The following ALG1 variants were observed in gnomAD, a reference collection of about 807,000 sequenced individuals.
ALG1 encodes the protein chitobiosyldiphosphodolichol beta-mannosyltransferase.
In ALG1, 58 loss-of-function variants were observed where a neutral mutation model predicts 55.1. That is an observed-to-expected ratio of 1.05 (90% CI 0.85 to 1.31). The LOEUF (loss-of-function observed/expected upper bound fraction) is 1.31. Among genes scored for constraint, ALG1 ranks in the 50% most tolerant of loss-of-function variants. The probability of loss-of-function intolerance (pLI) is 0.00; values close to 1 mark genes in which losing one functional copy is unlikely to be tolerated. For synonymous variants in ALG1, 309 were observed against 247.0 expected (o/e 1.25, Z -2.35); for missense variants, 761 against 598.6 (o/e 1.27, Z -2.83).
Position 5,073,004 on chromosome 16 carries a change from T to G in ALG1, c.262T>G (p.Leu88Val), listed in dbSNP as rs794727301. ...GAACAACAGAATTCAGATTGTGGGG[T>G]TGACAGAACTTCAGAGTCTTGCAGG... Reference protein sequence around the residue: ...LQNNRIQIVGLTELQSLAVGP... With the variant: ...LQNNRIQIVGVTELQSLAVGP... The change falls in exon 2 of 13, where the codon TTG becomes GTG. Residue 88 changes from leucine to valine, a missense_variant. By Grantham distance (32) the Leu-to-Val change is conservative (BLOSUM62 1). Coordinates refer to ENST00000262374, the MANE Select transcript of ALG1 (RefSeq NM_019109.5). The G allele has an allele frequency of 5.6e-6, 9 of 1,614,048 alleles. No homozygotes were observed. The highest frequency in any genetic ancestry group is 7.6e-6 in the Non-Finnish European group (9 of 1,180,030).
intron 4 of ALG1, among the ~76,000 whole-genome samples, chr16:5,076,105 G>C (rs1956908138): frequency 6.6e-6 from 1 of 152,216 alleles, no homozygotes; most frequent in Admixed American, 6.5e-5. Flanking sequence ...AGGGAAGAAG[G>C]GCCAGTGGTA....
intron 3 of ALG1, among the ~76,000 whole-genome samples, chr16:5,074,369 T>C (rs1373558526): frequency 6.6e-6 from 1 of 151,662 alleles, no homozygotes; most frequent in Non-Finnish European, 1.5e-5. Context: ...AGGATGGTCT[T>C]GAACTCCTGA....
In ALG1 at chr16:5,077,492, C is replaced by G; in HGVS notation, c.587C>G (p.Thr196Ser). ...CTGTCCCACCTGAACCTGTGTGTTA[C>G]CAATGCTATGCGAGAAGACCTGGCG... is the stretch of plus-strand genomic sequence containing the variant. ...GRLSHLNLCVTNAMREDLADN... is the reference protein window; with the variant it reads ...GRLSHLNLCVSNAMREDLADN... The change falls in exon 5 of 13, where the codon ACC becomes AGC. Residue 196 changes from threonine (T) to serine (S), a missense_variant. By Grantham distance (58) the Thr-to-Ser change is moderately conservative (BLOSUM62 1). Coordinates refer to ENST00000262374, the MANE Select transcript of ALG1 (RefSeq NM_019109.5). The G allele has an allele frequency of 6.2e-7, 1 of 1,614,192 alleles. No individual in the cohort carries two copies. Among genetic ancestry groups the G allele is most frequent in the South Asian group, 1.1e-5 (1 of 91,082 alleles).
chr16:5,075,212 T>C (rs1380943004), intron 3 of ALG1, among the ~76,000 whole-genome samples, 176 bp from the exon 4 acceptor site: 2 of 152,218 alleles, frequency 1.3e-5, no homozygotes, highest in Admixed American at 1.3e-4. Context: ...CCCATTCTGT[T>C]TCTTTTATGA....
intron 3 of ALG1, among the ~76,000 whole-genome samples, chr16:5,075,070 A>C (rs896179182): frequency 1.3e-5 from 2 of 152,010 alleles, no homozygotes; most frequent in Non-Finnish European, 2.9e-5. Flanking sequence ...CACCTGGCTA[A>C]TTTTTAAATT....
intron 4 of ALG1, 54 bp downstream of exon 4, chr16:5,075,590 G>A (rs1020929377): frequency 3.7e-6 from 6 of 1,608,104 alleles, no homozygotes; most frequent in Non-Finnish European, 5.1e-6. Flanking sequence ...TCAAGGATGA[G>A]TGAGAAGAAG....
chr16:5,084,374 G>A (rs1957074651), intron 12 of ALG1: 4 of 417,536 alleles, frequency 9.6e-6, no homozygotes, highest in African/African-American at 8.1e-5. Flanking sequence ...TGTAGTTTGT[G>A]ATCCTTGATT....
intron 1 of ALG1, chr16:5,072,468 C>G: frequency 2.5e-6 from 1 of 403,054 alleles, no homozygotes; most frequent in South Asian, 2.3e-5. Flanking sequence ...TCATGTCCAG[C>G]TTTTCCCCAC....
Position 5,085,457 on chromosome 16 carries a change from C to T in ALG1, c.*576C>T. 1.6e-6 allele frequency: 1 copy of T among 625,114 alleles called. No individual in the cohort carries two copies. The highest frequency in any genetic ancestry group is 2.9e-6 in the Non-Finnish European group (1 of 339,662). The allele number at this position is 625,114 out of a possible 1,614,324, so 38.7% of individuals were successfully genotyped here. A position where few individuals can be genotyped will look rare whatever the true frequency, so the allele number is the denominator to read the frequency against. On this transcript the variant is annotated 3_prime_UTR_variant, in exon 13 of 13. Coordinates refer to ENST00000262374, the MANE Select transcript of ALG1 (RefSeq NM_019109.5). ...AGAACTGCTGGCAGAAAGGGGGCAC[C>T]CACACGCTTAGATAGCCGATGTCTT... is the stretch of plus-strand genomic sequence containing the variant.
chr16:5,078,888 A>G lies in ALG1; in HGVS notation c.862+10A>G. 6.2e-7 allele frequency: 1 copy of G among 1,610,622 alleles called. No homozygotes were observed. Among genetic ancestry groups the G allele is most frequent in the Non-Finnish European group, 8.5e-7 (1 of 1,179,438 alleles). On this transcript the variant is annotated intron_variant, in intron 7 of 12. Coordinates refer to ENST00000262374, the MANE Select transcript of ALG1 (RefSeq NM_019109.5). ...AGCACGAGCTGGACAGGTCTGCAGG[A>G]CCCCTGGGGCACTTGGGGTTGGTGT...
chr16:5,084,637 A>G, intron 12 of ALG1, 113 bp from the exon 13 acceptor site: 12 of 1,492,076 alleles, frequency 8.0e-6, no homozygotes, highest in Non-Finnish European at 1.1e-5. Context: ...TGAGGGAGTT[A>G]GGGACTTGGG....
Position 5,078,711 on chromosome 16 carries a change from G to A in ALG1, c.741-46G>A, listed in dbSNP as rs374623781. ...GCAGGAGATGCCTCTCCTGGGTCCCGGGCCTGCTCTATGGCCTCTCACAGG... is the reference window on the plus strand; with the variant it reads ...GCAGGAGATGCCTCTCCTGGGTCCCAGGCCTGCTCTATGGCCTCTCACAGG... On this transcript the variant is annotated intron_variant, in intron 6 of 12. Coordinates refer to ENST00000262374, the MANE Select transcript of ALG1 (RefSeq NM_019109.5). 6.8e-6 allele frequency: 11 copies of A among 1,611,724 alleles called. No individual in the cohort carries two copies. In the African/African-American group the frequency reaches 9.4e-5, roughly 14 times the overall value.
intron 9 of ALG1, among the ~76,000 whole-genome samples, chr16:5,080,123 A>G (rs1956991461): frequency 7.0e-6 from 1 of 143,402 alleles, no homozygotes; most frequent in Non-Finnish European, 1.5e-5. Flanking sequence ...GCTGGAGTGC[A>G]GTGGTGCGAT....
intron 6 of ALG1, 44 bp downstream of exon 6, chr16:5,078,061 G>A (rs566315527): frequency 3.1e-5 from 50 of 1,588,428 alleles, no homozygotes; most frequent in Middle Eastern, 4.5e-4. Flanking sequence ...GCTCGCCACT[G>A]CCCTGGCCTC....
At position 5,082,963 on chromosome 16, in the gene ALG1, G is replaced by A. The variant is rs193167706; in HGVS notation, c.1187+290G>A. 1.0e-3 allele frequency among the ~76,000 whole-genome samples: 155 copies of A among 152,304 alleles called. 1 individual carries two copies. Among genetic ancestry groups the A allele is most frequent in the African/African-American group, 3.5e-3 (146 of 41,578 alleles). On this transcript the variant is annotated intron_variant, in intron 11 of 12. Transcript: ENST00000262374. ...CACCAACCCAATATGAAAACAAAAAGCACCTTAAATACCAGAACTCCACTC... is the reference window on the plus strand; with the variant it reads ...CACCAACCCAATATGAAAACAAAAAACACCTTAAATACCAGAACTCCACTC...
intron 5 of ALG1, 140 bp downstream of exon 5, chr16:5,077,674 G>T: frequency 9.5e-7 from 1 of 1,057,602 alleles, no homozygotes; most frequent in East Asian, 2.5e-5. Context: ...CTTTGGTTTG[G>T]GGAAGCTGGG....
chr16:5,084,416 G>A (rs1287203040), intron 12 of ALG1: 16 of 501,016 alleles, frequency 3.2e-5, no homozygotes, highest in African/African-American at 1.9e-4. Context: ...AAAGAACACC[G>A]ACACCCCCTT....
chr16:5,080,074 T>C (rs1956990283), intron 9 of ALG1, among the ~76,000 whole-genome samples: 2 of 65,006 alleles, frequency 3.1e-5, no homozygotes, highest in Admixed American at 4.1e-4. Context: ...CATTGGTGTC[T>C]TTTTTTTTTT....
chr16:5,078,626 C>G, intron 6 of ALG1, 131 bp from the exon 7 acceptor site: 1 of 1,527,024 alleles, frequency 6.5e-7, no homozygotes, highest in Non-Finnish European at 9.0e-7. Context: ...GCAGGGGTGG[C>G]CTGGTGCTGC....
Sources: gnomAD v4.1 joint callset for allele counts (sites outside exome capture counted in the v4.1 genomes callset) on GRCh38, gnomAD v4.1.1 for gene constraint, MANE v1.5 for transcripts, NCBI Gene and HGNC (gene_info 2026-07-23, HGNC 2026-07-21) for gene names.